Variants in TESMIN observed in about 807,000 individuals in gnomAD.
TESMIN encodes the protein testis expressed metallothionein like protein.
A neutral mutation model predicts 47.4 loss-of-function variants in TESMIN; 34 were observed. The observed-to-expected ratio is 0.72, with a 90% CI of 0.55 to 0.96. TESMIN has a LOEUF of 0.96. TESMIN is among the 40% of genes least tolerant of loss of function. The probability of loss-of-function intolerance (pLI) is 0.00; values close to 1 mark genes in which losing one functional copy is unlikely to be tolerated. For synonymous variants in TESMIN, 278 were observed against 258.9 expected, an observed-to-expected ratio of 1.07 and a Z score of -0.71; for missense variants, 610 against 637.2, an observed-to-expected ratio of 0.96 and a Z score of 0.46.
intron 6 of TESMIN, among the ~76,000 whole-genome samples, chr11:68,719,842 C>T (rs1445929788): frequency 6.6e-6 from 1 of 152,176 alleles, no homozygotes; most frequent in African/African-American, 2.4e-5. Flanking sequence ...GAGAGGCTAA[C>T]GTGTCTGTCT....
At chr11:68,719,139 A>G (rs1202056359) in intron 6 of TESMIN, among the ~76,000 whole-genome samples, 1 of 152,220 alleles carries the variant, frequency 6.6e-6, no homozygotes, top group Non-Finnish European at 1.5e-5. Flanking sequence ...CAGCCCCTCC[A>G]TGGCAGGCCA....
rs182345403 is a variant in TESMIN, at chr11:68,737,407, C to T, written c.917+1293G>A. On this transcript the variant is annotated intron_variant, in intron 6 of 9. Transcript: ENST00000255087. Reference sequence around the variant, plus strand: ...CTTCAGCGACCATGAGGGCTGATAGCGTTGATCGGTTCCAGTGTGTTTCCA... The same window carrying T: ...CTTCAGCGACCATGAGGGCTGATAGTGTTGATCGGTTCCAGTGTGTTTCCA... 43 of 985,556 alleles carry T rather than the reference C, an allele frequency of 4.4e-5. No individual in the cohort carries two copies. The African/African-American group carries it at 7.0e-4, about 16-fold the overall frequency. 61.1% of individuals were successfully genotyped at this position (985,556 alleles called of 1,614,324 possible).
intron 6 of TESMIN, chr11:68,733,765 T>A (rs907201053): frequency 6.6e-6 from 1 of 152,224 alleles, no homozygotes; most frequent in African/African-American, 2.4e-5. Context: ...AGCTGGTTAC[T>A]CCTTATATAG....
intron 5 of TESMIN, 95 bp downstream of exon 5, chr11:68,742,223 A>C: frequency 1.3e-6 from 1 of 774,872 alleles, no homozygotes. Context: ...AATGGAAAAT[A>C]AATTATATTT....
chr11:68,722,423 T>C (rs1946213246), intron 6 of TESMIN, among the ~76,000 whole-genome samples: 1 of 152,202 alleles, frequency 6.6e-6, no homozygotes, highest in South Asian at 2.1e-4. Flanking sequence ...TTTTATGTTA[T>C]GCATATTTTG....
chr11:68,708,426 G>C lies in TESMIN; in HGVS notation c.1409C>G (p.Ala470Gly). 1 of 1,614,086 alleles carries C rather than the reference G, an allele frequency of 6.2e-7. No homozygotes were observed. The highest frequency in any genetic ancestry group is 8.5e-7 in the Non-Finnish European group (1 of 1,180,014). Reference protein sequence around the residue: ...CACLLAQGEEAEKEHCSKCLA... With the variant: ...CACLLAQGEEGEKEHCSKCLA... The stretch of plus-strand genomic sequence containing the variant: ...GCACTTGGAGCAGTGTTCTTTCTCG[G>C]CCTCTTCTCCCTGAGCAAGCAGGCA... The change falls in exon 10 of 10, where the codon GCC becomes GGC. Residue 470 changes from alanine to glycine, a missense_variant. Physicochemically the swap from Ala to Gly is moderately conservative, Grantham distance 60 (BLOSUM62 0). Transcript: ENST00000255087.
At position 68,749,729 on chromosome 11, in the gene TESMIN, T is replaced by C. The variant is rs1348501968; in HGVS notation, c.471+461A>G. On this transcript the variant is annotated intron_variant, in intron 2 of 9. Coordinates refer to ENST00000255087, the MANE Select transcript of TESMIN (RefSeq NM_004923.3). ...CCAAGTATTAACTCTGAGTCCTTGC[T>C]GTGGATTCCAAGCCTGGTAAAGTTA... Among the ~76,000 whole-genome samples, 3 of 152,036 alleles carry C rather than the reference T, an allele frequency of 2.0e-5. No homozygotes were observed. In the South Asian group the frequency reaches 6.2e-4, roughly 32 times the overall value.
chr11:68,711,036 C>A lies in TESMIN; in HGVS notation c.1172G>T (p.Cys391Phe), dbSNP rs1392919621. 17 of 1,607,618 alleles carry A rather than the reference C, an allele frequency of 1.1e-5. No homozygotes were observed. The highest frequency in any genetic ancestry group is 1.4e-5 in the Non-Finnish European group (16 of 1,177,818). ...ACCAATGCATTTGCAAATAGAAGAA[C>A]ACATAATTTGGGCCTGGTAATATAA... Reference protein sequence around the residue: ...YCECYEAQIMCSSICKCIGCK... With the variant: ...YCECYEAQIMFSSICKCIGCK... Residue 391 changes from cysteine (C) to phenylalanine (F), a missense_variant, in exon 9 of 10, where the codon TGT (cysteine) becomes TTT (phenylalanine). By Grantham distance (205) the Cys-to-Phe change is radical. Coordinates refer to ENST00000255087, the MANE Select transcript of TESMIN (RefSeq NM_004923.3).
chr11:68,733,761 T>C (rs765025007), intron 6 of TESMIN: 2 of 152,226 alleles, frequency 1.3e-5, no homozygotes, highest in Non-Finnish European at 2.9e-5. Flanking sequence ...ATTCAGCTGG[T>C]TACTCCTTAT....
chr11:68,711,247 GGTGT>G (rs545301844), intron 8 of TESMIN, among the ~76,000 whole-genome samples, 198 bp from the exon 9 acceptor site: 87 of 150,608 alleles, frequency 5.8e-4, no homozygotes, highest in African/African-American at 1.9e-3. Context: ...GTGTGTGTGG[GGTGT>G]GTGTGTGTTG....
downstream of TESMIN, among the ~76,000 whole-genome samples, chr11:68,705,105 G>A (rs139399917): frequency 2.6e-3 from 400 of 152,300 alleles, 2 homozygotes; most frequent in African/African-American, 9.1e-3. Context: ...GACTCCTGGG[G>A]AGAGAGTGCA....
In TESMIN at chr11:68,750,260, C is replaced by A; in HGVS notation, c.401G>T (p.Ser134Ile). The change falls in exon 2 of 10, where the codon AGC becomes ATC. Residue 134 changes from serine (S) to isoleucine (I), a missense_variant. By Grantham distance (142) the Ser-to-Ile change is moderately radical. Coordinates refer to ENST00000255087, the MANE Select transcript of TESMIN (RefSeq NM_004923.3). ...GGCGCCCAGGGGCAACACCGCCGGG[C>A]TGCGGTGCGCGGGTAGCAGCGAGGA... ...FLSSLLPAHR[S>I]PAVLPLGAWV... The A allele has an allele frequency of 6.5e-7, 1 of 1,543,972 alleles. No individual in the cohort carries two copies. Among genetic ancestry groups the A allele is most frequent in the Non-Finnish European group, 8.7e-7 (1 of 1,154,586 alleles).
chr11:68,741,422 A>G (rs1303580048), intron 5 of TESMIN, among the ~76,000 whole-genome samples: 1 of 150,268 alleles, frequency 6.7e-6, no homozygotes, highest in Admixed American at 6.7e-5. Flanking sequence ...CCTTTTTTAA[A>G]CCTGCAACTA....
chr11:68,711,315 GGGTGT>G (rs1946067143), intron 8 of TESMIN, among the ~76,000 whole-genome samples: 3 of 150,968 alleles, frequency 2.0e-5, no homozygotes, highest in South Asian at 2.1e-4. Context: ...AGTGTGTGTG[GGGTGT>G]GTGTGTGTCG....
Position 68,707,684 on chromosome 11 carries a change from G to C in TESMIN, c.*624C>G. ...GTCCTCTAACTCAAGACATGCTGGT[G>C]CAAGCCTGGCCTGCGAGGCCCCATT... is the stretch of plus-strand genomic sequence containing the variant. On this transcript the variant is annotated 3_prime_UTR_variant, in exon 10 of 10. Coordinates refer to ENST00000255087, the MANE Select transcript of TESMIN (RefSeq NM_004923.3). 2 of 362,622 alleles carry C rather than the reference G, an allele frequency of 5.5e-6. No individual in the cohort carries two copies. The highest frequency in any genetic ancestry group is 6.1e-5 in the Admixed American group (2 of 32,796). The allele number at this position is 362,622 out of a possible 1,614,324, so 22.5% of individuals were successfully genotyped here. A position where few individuals can be genotyped will look rare whatever the true frequency, so the allele number is the denominator to read the frequency against.
In TESMIN at chr11:68,710,737, C is replaced by T. The variant is rs185223042; in HGVS notation, c.1334+137G>A. 476 of 807,876 alleles carry T rather than the reference C, an allele frequency of 5.9e-4. 2 individuals carry two copies. The East Asian group carries it at 9.1e-3, about 15-fold the overall frequency. The allele number at this position is 807,876 out of a possible 1,614,324, so 50.0% of individuals were successfully genotyped here. ...CAGGATTAGCCCATGGAGGGAGGAA[C>T]GACTTCCCTCTGCCCCCAAACACAC... On this transcript the variant is annotated intron_variant, in intron 9 of 9. Transcript: ENST00000255087.
Position 68,737,408 on chromosome 11 carries a change from G to A in TESMIN, c.917+1292C>T, listed in dbSNP as rs1041556339. The A allele has an allele frequency of 1.5e-5, 15 of 985,426 alleles. No individual in the cohort carries two copies. In the East Asian group the frequency reaches 3.4e-4, roughly 22 times the overall value. 61.0% of individuals were successfully genotyped at this position (985,426 alleles called of 1,614,324 possible). On this transcript the variant is annotated intron_variant, in intron 6 of 9. Transcript: ENST00000255087. Reference sequence around the variant, plus strand: ...TTCAGCGACCATGAGGGCTGATAGCGTTGATCGGTTCCAGTGTGTTTCCAG... The same window carrying A: ...TTCAGCGACCATGAGGGCTGATAGCATTGATCGGTTCCAGTGTGTTTCCAG...
intron 5 of TESMIN, among the ~76,000 whole-genome samples, chr11:68,740,375 A>G (rs1946441647): frequency 6.6e-6 from 1 of 152,208 alleles, no homozygotes; most frequent in Admixed American, 6.5e-5. Context: ...CTTGAGGTCC[A>G]TGCTGGATAA....
chr11:68,719,148 C>A (rs1946175930), intron 6 of TESMIN, among the ~76,000 whole-genome samples: 1 of 152,180 alleles, frequency 6.6e-6, no homozygotes, highest in African/African-American at 2.4e-5. Flanking sequence ...CATGGCAGGC[C>A]AGGCCAGGCA....
Sources: allele counts gnomAD v4.1 joint callset (sites outside exome capture counted in the v4.1 genomes callset), GRCh38; gene constraint gnomAD v4.1.1; transcripts MANE v1.5; gene names NCBI Gene and HGNC (gene_info 2026-07-23, HGNC 2026-07-21).